The following PCDHGA7 variants were observed in gnomAD, a reference collection of about 807,000 sequenced individuals.
PCDHGA7 encodes the protein protocadherin gamma subfamily A, 7.
Under a neutral mutation model 58.3 loss-of-function variants are expected in PCDHGA7, and 44 were observed. The ratio of observed to expected loss-of-function variants is 0.75; its 90% confidence interval spans 0.59 to 0.97. The LOEUF is 0.97. Among genes scored for constraint, PCDHGA7 ranks in the 50% least tolerant of loss-of-function variants. The probability of loss-of-function intolerance (pLI) is 0.00; values close to 1 mark genes in which losing one functional copy is unlikely to be tolerated. For missense variants in PCDHGA7, 1,266 were observed against 1,188.7 expected, an observed-to-expected ratio of 1.06 and a Z score of -0.96; for synonymous variants, 516 against 504.2, an observed-to-expected ratio of 1.02 and a Z score of -0.31.
intron 1 of PCDHGA7, chr5:141,433,354 T>C: frequency 1.7e-6 from 1 of 602,322 alleles, no homozygotes; most frequent in Non-Finnish European, 2.9e-6. Flanking sequence ...CCACCTACTG[T>C]CTGCCTATCT....
intron 1 of PCDHGA7, among the ~76,000 whole-genome samples, chr5:141,463,783 C>T (rs1395035313): frequency 1.3e-5 from 2 of 152,138 alleles, no homozygotes; most frequent in African/African-American, 4.8e-5. Flanking sequence ...CCTGCACTGT[C>T]TTTTGAACAA....
chr5:141,425,500 T>C (rs2096879850), intron 1 of PCDHGA7, among the ~76,000 whole-genome samples: 1 of 152,246 alleles, frequency 6.6e-6, no homozygotes, highest in South Asian at 2.1e-4. Context: ...GCTATACCTT[T>C]ATATTCTCTT....
chr5:141,489,111 C>G lies in PCDHGA7; in HGVS notation c.2425-5696C>G. 1.9e-6 allele frequency: 1 copy of G among 518,042 alleles called. No individual in the cohort carries two copies. Among genetic ancestry groups the G allele is most frequent in the Non-Finnish European group, 3.2e-6 (1 of 308,182 alleles). The allele number at this position is 518,042 out of a possible 1,614,324, so 32.1% of individuals were successfully genotyped here. The stretch of plus-strand genomic sequence containing the variant: ...GTGACTAAGAACTGCTGCAAGCAGG[C>G]AAACCTCCGAGCAGTTTTTAAGAGG... On this transcript the variant is annotated intron_variant, in intron 1 of 3. Coordinates refer to ENST00000518325, the MANE Select transcript of PCDHGA7 (RefSeq NM_018920.4). This position sits in a 1 kb window ranked among gnomAD's most constrained non-coding sequence, Gnocchi z 4.5.
In PCDHGA7 at chr5:141,385,111, T is replaced by G. The variant is rs373196114; in HGVS notation, c.2212T>G (p.Ser738Ala). 2.8e-5 allele frequency: 46 copies of G among 1,614,188 alleles called. No individual in the cohort carries two copies. The African/African-American group carries it at 5.6e-4, about 20-fold the overall frequency. The change falls in exon 1 of 4, where the codon TCG becomes GCG. Residue 738 changes from serine (S) to alanine (A), a missense_variant. Ser to Ala is a moderately conservative substitution (Grantham distance 99). Transcript: ENST00000518325. ...SEGGLANVPT[S>A]HFVGMDGVQA... ...AGGTGGCTTGGCGAACGTGCCCACCTCGCACTTTGTGGGCATGGACGGGGT... is the reference window on the plus strand; with the variant it reads ...AGGTGGCTTGGCGAACGTGCCCACCGCGCACTTTGTGGGCATGGACGGGGT...
chr5:141,404,973 A>T, intron 1 of PCDHGA7: 1 of 1,613,952 alleles, frequency 6.2e-7, no homozygotes, highest in South Asian at 1.1e-5. Flanking sequence ...ATCCTGGCTG[A>T]CCTGGGCAGT....
chr5:141,413,541 GATAGAA>G (rs2095653692), intron 1 of PCDHGA7: 1 of 1,613,904 alleles, frequency 6.2e-7, no homozygotes, highest in Non-Finnish European at 8.5e-7. Flanking sequence ...AACTTTTTGG[GATAGAA>G]ATAGAAGTAA....
Position 141,486,552 on chromosome 5 carries a change from A to G in PCDHGA7, c.2425-8255A>G. On this transcript the variant is annotated intron_variant, in intron 1 of 3. Coordinates refer to ENST00000518325, the MANE Select transcript of PCDHGA7 (RefSeq NM_018920.4). This position sits in a 1 kb window ranked among gnomAD's most constrained non-coding sequence, Gnocchi z 5.0. ...CCACCCTCTTTCTTTCAGAGGTCAC[A>G]TGAGGTGTTTGTTCCTGAGAACAAT... is the stretch of plus-strand genomic sequence containing the variant. 1 of 1,614,136 alleles carries G rather than the reference A, an allele frequency of 6.2e-7. No homozygotes were observed. The highest frequency in any genetic ancestry group is 2.2e-5 in the East Asian group (1 of 44,882).
intron 1 of PCDHGA7, among the ~76,000 whole-genome samples, chr5:141,456,464 A>T (rs1430885015): frequency 6.6e-6 from 1 of 152,192 alleles, no homozygotes; most frequent in Non-Finnish European, 1.5e-5. Flanking sequence ...TCAATACAAG[A>T]CATATAAGCA....
chr5:141,466,494 G>C (rs1186331329), intron 1 of PCDHGA7, among the ~76,000 whole-genome samples: 4 of 152,134 alleles, frequency 2.6e-5, no homozygotes. Context: ...TCTTTAATTA[G>C]AGCACAGACA....
rs1384424498 is a variant in PCDHGA7, at chr5:141,431,677, G to A, written c.2424+46354G>A. On this transcript the variant is annotated intron_variant, in intron 1 of 3. Coordinates refer to ENST00000518325, the MANE Select transcript of PCDHGA7 (RefSeq NM_018920.4). This position sits in a 1 kb window ranked among gnomAD's most constrained non-coding sequence, Gnocchi z 4.8. The stretch of plus-strand genomic sequence containing the variant: ...CAGGGACAATATCAACAATAGGGGA[G>A]TTGGACCACGAGGAGTCAGGATTCT... 2 of 1,614,236 alleles carry A rather than the reference G, an allele frequency of 1.2e-6. No homozygotes were observed. The highest frequency in any genetic ancestry group is 1.7e-6 in the Non-Finnish European group (2 of 1,180,050).
intron 1 of PCDHGA7, among the ~76,000 whole-genome samples, chr5:141,406,577 A>T (rs558329088): frequency 6.6e-6 from 1 of 152,274 alleles, no homozygotes; most frequent in South Asian, 2.1e-4. Context: ...TAGTAAACCA[A>T]TTTTTTCCCT....
In PCDHGA7 at chr5:141,511,033, C is replaced by T. The variant is rs1185153127; in HGVS notation, c.2659C>T (p.His887Tyr). 6.2e-7 allele frequency: 1 copy of T among 1,614,202 alleles called. No individual in the cohort carries two copies. The highest frequency in any genetic ancestry group is 1.7e-5 in the Admixed American group (1 of 60,032). ...CTACGGACCCCAGTTCACCCTGCAG[C>T]ACGTGCCCGACTACCGCCAGAATGT... ...ARYGPQFTLQ[H>Y]VPDYRQNVYI... Residue 887 changes from histidine to tyrosine, a missense_variant, in exon 4 of 4, where the codon CAC becomes TAC. His to Tyr is a moderately conservative substitution (Grantham distance 83). Coordinates refer to ENST00000518325, the MANE Select transcript of PCDHGA7 (RefSeq NM_018920.4).
intron 1 of PCDHGA7, chr5:141,393,194 C>G (rs770162660): frequency 6.2e-7 from 1 of 1,613,362 alleles, no homozygotes. Flanking sequence ...TTGATATTAA[C>G]GATAATAACC....
At chr5:141,478,355 G>T (rs1193169527) in intron 1 of PCDHGA7, 7 of 1,613,742 alleles carry the variant, frequency 4.3e-6, no homozygotes, top group Non-Finnish European at 5.1e-6. Flanking sequence ...CGCGGACGCC[G>T]TGCGGGGAGG....
chr5:141,390,665 TA>T, intron 1 of PCDHGA7: 1 of 192,900 alleles, frequency 5.2e-6, no homozygotes, highest in Non-Finnish European at 1.1e-5. Flanking sequence ...ACCATAAATA[TA>T]AAAATAATAA....
rs535194185 is a variant in PCDHGA7, at chr5:141,485,480, A to C, written c.2425-9327A>C. 6.2e-7 allele frequency: 1 copy of C among 1,614,154 alleles called. No individual in the cohort carries two copies. The highest frequency in any genetic ancestry group is 1.7e-5 in the Admixed American group (1 of 60,020). On this transcript the variant is annotated intron_variant, in intron 1 of 3. Coordinates refer to ENST00000518325, the MANE Select transcript of PCDHGA7 (RefSeq NM_018920.4). This position sits in a 1 kb window ranked among gnomAD's most constrained non-coding sequence, Gnocchi z 5.7. The stretch of plus-strand genomic sequence containing the variant: ...ACTGTGTGGGCTCAGTGCCAGCTGC[A>C]TCGTGCCCCTGGAGTTTGTCACCGA...
rs570379716 is a variant in PCDHGA7 at position 141,452,090 on chromosome 5, G to A, written c.2425-42717G>A. Among the ~76,000 whole-genome samples, 3 of 152,256 alleles carry A rather than the reference G, an allele frequency of 2.0e-5. No individual in the cohort carries two copies. The South Asian group carries it at 6.2e-4, about 32-fold the overall frequency. On this transcript the variant is annotated intron_variant, in intron 1 of 3. Coordinates refer to ENST00000518325, the MANE Select transcript of PCDHGA7 (RefSeq NM_018920.4). The stretch of plus-strand genomic sequence containing the variant: ...TTTATTAGTTGGCATTATACAGTAA[G>A]AAAGAGCTTTCTTTTCTCTTCTTAT...
At chr5:141,423,495 C>T in intron 1 of PCDHGA7, 1 of 1,613,946 alleles carries the variant, frequency 6.2e-7, no homozygotes, top group African/African-American at 1.3e-5. Context: ...CCTATTCCCA[C>T]GAGGTCTCTC....
chr5:141,494,607 C>T (rs2099755630), intron 1 of PCDHGA7, among the ~76,000 whole-genome samples, 200 bp from the exon 2 acceptor site: 2 of 152,092 alleles, frequency 1.3e-5, no homozygotes, highest in South Asian at 2.1e-4. Flanking sequence ...TGTGATTTAT[C>T]TCTTGGTTTC....
Sources: allele counts gnomAD v4.1 joint callset (sites outside exome capture counted in the v4.1 genomes callset), GRCh38; gene constraint gnomAD v4.1.1; non-coding constraint Gnocchi (gnomAD v3.1); transcripts MANE v1.5; gene names NCBI Gene and HGNC (gene_info 2026-07-23, HGNC 2026-07-21).